Variants in LUZP2 observed in about 807,000 individuals in gnomAD.
LUZP2 encodes the protein leucine zipper protein 2.
In LUZP2, 52 loss-of-function variants were observed where a neutral mutation model predicts 51.6. The observed-to-expected ratio is 1.01, with a 90% CI of 0.81 to 1.27. LUZP2 has a LOEUF of 1.27. LUZP2 is among the 50% of genes most tolerant of loss of function. The probability of loss-of-function intolerance (pLI) is 0.00; values close to 1 mark genes in which losing one functional copy is unlikely to be tolerated. For missense variants in LUZP2, 436 were observed against 395.4 expected (o/e 1.10, Z -0.87); for synonymous variants, 154 against 137.3 (o/e 1.12, Z -0.85).
chr11:24,718,399 G>T (rs942022435), intron 1 of LUZP2, among the ~76,000 whole-genome samples: 5 of 152,180 alleles, frequency 3.3e-5, no homozygotes, highest in Non-Finnish European at 7.3e-5. Context: ...AATCAGTGAA[G>T]CACAAGTTTA....
chr11:24,932,064 G>C (rs1370662092), intron 7 of LUZP2, among the ~76,000 whole-genome samples: 1 of 152,138 alleles, frequency 6.6e-6, no homozygotes, highest in East Asian at 1.9e-4. Context: ...CTGGGCTCCT[G>C]TCTGCTGCTG....
Position 24,983,310 on chromosome 11 carries a change from T to C in LUZP2, c.765+17T>C, listed in dbSNP as rs771984521. ...AAAAGCAAGGTACCTACCTTTTATT[T>C]GCGCTTTGTAAAGTAACAGCAAGTA... On this transcript the variant is annotated intron_variant, in intron 9 of 11. Coordinates refer to ENST00000336930, the MANE Select transcript of LUZP2 (RefSeq NM_001009909.4). 6.2e-7 allele frequency: 1 copy of C among 1,609,112 alleles called. No individual in the cohort carries two copies. The highest frequency in any genetic ancestry group is 8.5e-7 in the Non-Finnish European group (1 of 1,177,226).
At chr11:24,849,179 G>C (rs964636790) in intron 5 of LUZP2, among the ~76,000 whole-genome samples, 1 of 151,924 alleles carries the variant, frequency 6.6e-6, no homozygotes, top group East Asian at 1.9e-4. Flanking sequence ...TGTGCAGAAC[G>C]TACAGCTTTG....
chr11:24,757,001 AG>A (rs1307009861), intron 4 of LUZP2, among the ~76,000 whole-genome samples: 3 of 152,240 alleles, frequency 2.0e-5, no homozygotes, highest in African/African-American at 7.2e-5. Context: ...GCAATTAAAA[AG>A]TATACGAAGA....
chr11:24,657,307 G>T (rs531913668), intron 1 of LUZP2, among the ~76,000 whole-genome samples: 2 of 152,240 alleles, frequency 1.3e-5, no homozygotes, highest in South Asian at 4.1e-4. Context: ...AAAAAGTAGA[G>T]GCCAAATGAA....
At chr11:25,044,146 T>C (rs1445055947) in intron 9 of LUZP2, among the ~76,000 whole-genome samples, 9 of 1,654 alleles carry the variant, frequency 5.4e-3, no homozygotes, top group African/African-American at 0.016. Flanking sequence ...TGAGGCTGTA[T>C]ATATACTATA....
chr11:24,870,890 A>C (rs983709022), intron 5 of LUZP2, among the ~76,000 whole-genome samples: 2 of 152,066 alleles, frequency 1.3e-5, no homozygotes, highest in Non-Finnish European at 2.9e-5. Flanking sequence ...AAGGAGAAAA[A>C]TGAGGATATA....
chr11:24,564,754 G>GT (rs200667013), intron 1 of LUZP2, among the ~76,000 whole-genome samples: 12 of 152,306 alleles, frequency 7.9e-5, no homozygotes, highest in African/African-American at 2.2e-4. Flanking sequence ...GTCTCTCACA[G>GT]TTTTTTTAAA....
intron 1 of LUZP2, among the ~76,000 whole-genome samples, chr11:24,703,153 A>G (rs1857466165): frequency 6.6e-6 from 1 of 152,198 alleles, no homozygotes; most frequent in Non-Finnish European, 1.5e-5. Context: ...TCCTTAAGCC[A>G]TTATCTTACT....
At chr11:24,678,131 CT>C (rs1396791756) in intron 1 of LUZP2, among the ~76,000 whole-genome samples, 1 of 149,016 alleles carries the variant, frequency 6.7e-6, no homozygotes, top group Admixed American at 6.7e-5. Context: ...TTGTTTTTGA[CT>C]TTTTTTATTT....
intron 1 of LUZP2, among the ~76,000 whole-genome samples, chr11:24,674,238 A>G (rs1856479440): frequency 6.6e-6 from 1 of 152,156 alleles, no homozygotes; most frequent in African/African-American, 2.4e-5. Flanking sequence ...AATGCCTGTC[A>G]TGTGTCCAGG....
intron 1 of LUZP2, among the ~76,000 whole-genome samples, chr11:24,500,939 C>A (rs1263727711): frequency 6.6e-6 from 1 of 152,160 alleles, no homozygotes; most frequent in Non-Finnish European, 1.5e-5. Context: ...TCAAGATCAA[C>A]TTGATTTGTA....
chr11:24,635,861 C>T (rs1303175652), intron 1 of LUZP2, among the ~76,000 whole-genome samples: 3 of 152,046 alleles, frequency 2.0e-5, no homozygotes, highest in Non-Finnish European at 4.4e-5. Flanking sequence ...ACAAGGCCTG[C>T]GGTGCAGGTA....
intron 5 of LUZP2, among the ~76,000 whole-genome samples, chr11:24,822,304 A>C (rs2134160110): frequency 6.6e-6 from 1 of 152,216 alleles, no homozygotes; most frequent in Non-Finnish European, 1.5e-5. Context: ...GATCCTAAGA[A>C]GTTTTTGTTG....
intron 5 of LUZP2, among the ~76,000 whole-genome samples, chr11:24,772,916 C>A (rs1043776608): frequency 6.6e-6 from 1 of 152,114 alleles, no homozygotes; most frequent in Non-Finnish European, 1.5e-5. Context: ...AGATTTTGAA[C>A]CCACTCTAAT....
intron 1 of LUZP2, among the ~76,000 whole-genome samples, chr11:24,606,868 G>A (rs1177464566): frequency 3.3e-5 from 5 of 151,722 alleles, no homozygotes; most frequent in African/African-American, 7.3e-5. Context: ...TCTCATTGAC[G>A]TTTTGTTTTC....
intron 1 of LUZP2, among the ~76,000 whole-genome samples, chr11:24,606,764 A>G (rs1298917029): frequency 6.6e-6 from 1 of 152,094 alleles, no homozygotes; most frequent in Non-Finnish European, 1.5e-5. Flanking sequence ...TTACACTTCC[A>G]TCAACAATGT....
chr11:25,010,788 A>G (rs1014147927), intron 9 of LUZP2, among the ~76,000 whole-genome samples: 2 of 152,134 alleles, frequency 1.3e-5, no homozygotes, highest in Non-Finnish European at 2.9e-5. Flanking sequence ...GGGAGGTTGC[A>G]GTGAGCCAAG....
In LUZP2 at chr11:24,689,503, T is replaced by C. The variant is rs368373549; in HGVS notation, c.63-39666T>C. ...GATCGCCAGCTCCAGGTGCTTTCTA[T>C]CTATTGGGAGACTGTTTTCTCCTGG... is the stretch of plus-strand genomic sequence containing the variant. On this transcript the variant is annotated intron_variant, in intron 1 of 11. Transcript: ENST00000336930. Among the ~76,000 whole-genome samples the C allele has an allele frequency of 3.9e-5, 6 of 152,260 alleles. No homozygotes were observed. In the East Asian group the frequency reaches 7.7e-4, roughly 20 times the overall value.
Sources: allele counts gnomAD v4.1 joint callset (sites outside exome capture counted in the v4.1 genomes callset), GRCh38; gene constraint gnomAD v4.1.1; transcripts MANE v1.5; gene names NCBI Gene and HGNC (gene_info 2026-07-23, HGNC 2026-07-21).